Variants in CNTNAP3B observed in about 807,000 individuals in gnomAD.
CNTNAP3B encodes contactin-associated protein-like 3B.
Under a neutral mutation model 108.9 loss-of-function variants are expected in CNTNAP3B, and 25 were observed. That is an observed-to-expected ratio of 0.23 (90% CI 0.17 to 0.32). The LOEUF is 0.32. CNTNAP3B is among the 10% of genes least tolerant of loss of function. The pLI is 1.00. For synonymous variants in CNTNAP3B, 103 were observed against 473.4 expected, an observed-to-expected ratio of 0.22 and a Z score of 10.16; for missense variants, 252 against 1,210.4, an observed-to-expected ratio of 0.21 and a Z score of 11.75.
At chr9:41,996,442 T>A in intron 6 of CNTNAP3B, 94 bp from the exon 7 acceptor site, 1 of 752,470 alleles carries the variant, frequency 1.3e-6, no homozygotes, top group Non-Finnish European at 1.8e-6. Flanking sequence ...TAGTACTAAT[T>A]GTCACAAATC....
chr9:41,921,174 A>G (rs1267478047), intron 17 of CNTNAP3B, among the ~76,000 whole-genome samples: 1 of 152,306 alleles, frequency 6.6e-6, no homozygotes, highest in Non-Finnish European at 1.5e-5. Context: ...TGCTTCATCC[A>G]CCGCAATGAA....
intron 6 of CNTNAP3B, 50 bp downstream of exon 6, chr9:41,997,518 T>C (rs1200844156): frequency 6.6e-7 from 1 of 1,525,296 alleles, no homozygotes; most frequent in Non-Finnish European, 8.9e-7. Context: ...TCTATGCAGC[T>C]ACCTTATTTT....
rs1827422510 is a variant in CNTNAP3B at position 42,073,712 on chromosome 9, G to T, written c.390+3157C>A. On this transcript the variant is annotated intron_variant, in intron 3 of 23. Coordinates refer to ENST00000377561, the MANE Select transcript of CNTNAP3B (RefSeq NM_001201380.3). The stretch of plus-strand genomic sequence containing the variant: ...GCCTAGTGAAGAATATGATAACTAT[G>T]ACTCAGCTCACATTTCCCAAGAGTA... Among the ~76,000 whole-genome samples the T allele has an allele frequency of 5.3e-5, 5 of 95,050 alleles. No homozygotes were observed. In the South Asian group the frequency reaches 2.3e-3, roughly 44 times the overall value. 62.4% of individuals were successfully genotyped at this position (95,050 alleles called of 152,430 possible). A position where few individuals can be genotyped will look rare whatever the true frequency, so the allele number is the denominator to read the frequency against.
chr9:41,936,235 C>T (rs1293999473), intron 14 of CNTNAP3B, among the ~76,000 whole-genome samples: 3 of 152,082 alleles, frequency 2.0e-5, no homozygotes, highest in Non-Finnish European at 4.4e-5. Context: ...TGAGATCGCA[C>T]CACTGCATTC....
chr9:41,931,201 A>T (rs976505721), intron 14 of CNTNAP3B, among the ~76,000 whole-genome samples: 53 of 152,398 alleles, frequency 3.5e-4, no homozygotes, highest in African/African-American at 1.2e-3. Context: ...TTAAATTGGC[A>T]TGTCAGAGTT....
In CNTNAP3B at chr9:42,078,471, A is replaced by G. The variant is rs926966138; in HGVS notation, c.197-1409T>C. On this transcript the variant is annotated intron_variant, in intron 2 of 23. Transcript: ENST00000377561. ...TTTATATTATATATATAGTATGTAC[A>G]CAGACATATATATAAATATAATTTT... Among the ~76,000 whole-genome samples the G allele has an allele frequency of 5.8e-5, 8 of 139,028 alleles. 1 individual carries two copies. Among genetic ancestry groups the G allele is most frequent in the Admixed American group, 2.2e-4 (3 of 13,902 alleles). 91.2% of individuals were successfully genotyped at this position (139,028 alleles called of 152,430 possible).
chr9:41,924,644 T>TGCGTGC (rs1482014228), intron 15 of CNTNAP3B, among the ~76,000 whole-genome samples: 1 of 95,520 alleles, frequency 1.0e-5, no homozygotes, highest in African/African-American at 4.1e-5. Context: ...CTTTCCTTCC[T>TGCGTGC]GCACACACAC....
At chr9:41,942,249 G>C (rs1158736382) in intron 13 of CNTNAP3B, among the ~76,000 whole-genome samples, 3 of 152,256 alleles carry the variant, frequency 2.0e-5, no homozygotes, top group Non-Finnish European at 4.4e-5. Flanking sequence ...GCCGAGGCGG[G>C]CAGATCATGA....
chr9:41,957,777 T>C (rs1250816463), intron 12 of CNTNAP3B, among the ~76,000 whole-genome samples: 1 of 152,296 alleles, frequency 6.6e-6, no homozygotes, highest in Admixed American at 6.5e-5. Flanking sequence ...TTTGGTTTTT[T>C]TGAGACAAAA....
chr9:42,120,524 G>T (rs540294906), intron 1 of CNTNAP3B, among the ~76,000 whole-genome samples: 2 of 138,000 alleles, frequency 1.4e-5, no homozygotes, highest in South Asian at 4.8e-4. Flanking sequence ...ACATGCACAC[G>T]TATGTTTATT....
chr9:41,931,925 A>T (rs1227143879), intron 14 of CNTNAP3B, among the ~76,000 whole-genome samples: 2 of 151,912 alleles, frequency 1.3e-5, no homozygotes, highest in Admixed American at 6.6e-5. Flanking sequence ...ACTGTGCAAA[A>T]TATTGAGAAT....
chr9:41,934,381 G>A (rs1360127236), intron 14 of CNTNAP3B, among the ~76,000 whole-genome samples: 9,372 of 148,762 alleles, frequency 0.063, 22 homozygotes, highest in East Asian at 0.14. Flanking sequence ...ACCATGCCTG[G>A]CTAATATTTT....
At chr9:42,111,884 C>T (rs1328138783) in intron 1 of CNTNAP3B, among the ~76,000 whole-genome samples, 1 of 138,774 alleles carries the variant, frequency 7.2e-6, no homozygotes, top group Non-Finnish European at 1.5e-5. Flanking sequence ...CCCAGCCACA[C>T]ACACACCTTA....
rs186626509 is a variant in CNTNAP3B at position 42,103,280 on chromosome 9, G to C, written c.196+1349C>G. Among the ~76,000 whole-genome samples the C allele has an allele frequency of 3.6e-4, 53 of 148,854 alleles. No homozygotes were observed. The East Asian group carries it at 7.5e-3, about 21-fold the overall frequency. Reference sequence around the variant, plus strand: ...ATCACAGACTTAAGAAAAATAAACAGAAAAATGAAAAGTTAAATTGTTCAT... The same window carrying C: ...ATCACAGACTTAAGAAAAATAAACACAAAAATGAAAAGTTAAATTGTTCAT... On this transcript the variant is annotated intron_variant, in intron 2 of 23. Coordinates refer to ENST00000377561, the MANE Select transcript of CNTNAP3B (RefSeq NM_001201380.3).
intron 10 of CNTNAP3B, 86 bp from the exon 11 acceptor site, chr9:41,964,730 G>C (rs75189647): frequency 1.3e-6 from 2 of 1,531,644 alleles, no homozygotes; most frequent in African/African-American, 2.8e-5. Context: ...AATGTGAAAG[G>C]CCAGCATACG....
In CNTNAP3B at chr9:42,129,399, C is replaced by T. The variant is rs1328118147; in HGVS notation, c.-305G>A. ...TCAGGCGCGTCCCGGACACTAGGCG[C>T]GGGAGGCGGCCGGCACCAACGCGAG... On this transcript the variant is annotated 5_prime_UTR_variant, in exon 1 of 24. Coordinates refer to ENST00000377561, the MANE Select transcript of CNTNAP3B (RefSeq NM_001201380.3). 38 of 310,396 alleles carry T rather than the reference C, an allele frequency of 1.2e-4. 2 individuals carry two copies. The highest frequency in any genetic ancestry group is 1.9e-4 in the Non-Finnish European group (35 of 188,976). The allele number at this position is 310,396 out of a possible 1,614,324, so 19.2% of individuals were successfully genotyped here. A position where few individuals can be genotyped will look rare whatever the true frequency, so the allele number is the denominator to read the frequency against.
chr9:41,939,659 G>T (rs908684638), intron 13 of CNTNAP3B, among the ~76,000 whole-genome samples: 1 of 152,282 alleles, frequency 6.6e-6, no homozygotes, highest in Non-Finnish European at 1.5e-5. Flanking sequence ...AAAAGTTACC[G>T]ACTTCACCAT....
At chr9:42,108,686 C>A (rs1828129213) in intron 1 of CNTNAP3B, among the ~76,000 whole-genome samples, 1 of 128,346 alleles carries the variant, frequency 7.8e-6, no homozygotes, top group Non-Finnish European at 1.6e-5. Flanking sequence ...TGGCTTGCTG[C>A]ACTTCCTTAG....
chr9:41,937,234 C>T (rs1394638548), intron 14 of CNTNAP3B, among the ~76,000 whole-genome samples: 2 of 150,660 alleles, frequency 1.3e-5, no homozygotes, highest in Non-Finnish European at 2.9e-5. Context: ...TTAAGCAATT[C>T]TACTGTCTCA....
Sources: allele counts gnomAD v4.1 joint callset (sites outside exome capture counted in the v4.1 genomes callset), GRCh38; gene constraint gnomAD v4.1.1; transcripts MANE v1.5; gene names NCBI Gene and HGNC (gene_info 2026-07-23, HGNC 2026-07-21).